The following PRTG variants were observed in gnomAD, a reference collection of about 807,000 sequenced individuals.
The protein encoded by PRTG is protogenin, also known as immunoglobulin superfamily, DCC subclass, member 5.
In PRTG, 67 loss-of-function variants were observed where a neutral mutation model predicts 122.5. The ratio of observed to expected loss-of-function variants is 0.55; its 90% CI spans 0.45 to 0.67. The LOEUF is 0.67. Among genes scored for constraint, PRTG ranks in the 30% least tolerant of loss-of-function variants. The pLI is 0.00. For synonymous variants in PRTG, 554 were observed against 501.1 expected (o/e 1.11, Z -1.41); for missense variants, 1,435 against 1,415.4 (o/e 1.01, Z -0.22).
chr15:55,661,519 T>C (rs1284605270), intron 11 of PRTG, among the ~76,000 whole-genome samples: 1 of 152,162 alleles, frequency 6.6e-6, no homozygotes, highest in Non-Finnish European at 1.5e-5. Context: ...CTTTACCCAG[T>C]GCCAAAGGTC....
At chr15:55,630,547 A>G (rs1409776233) in intron 15 of PRTG, among the ~76,000 whole-genome samples, 1 of 152,226 alleles carries the variant, frequency 6.6e-6, no homozygotes, top group Non-Finnish European at 1.5e-5. Flanking sequence ...CAATCTGTGT[A>G]AGATCTACTT....
At chr15:55,705,294 A>T (rs2030057092) in intron 2 of PRTG, among the ~76,000 whole-genome samples, 2 of 152,146 alleles carry the variant, frequency 1.3e-5, no homozygotes, top group Non-Finnish European at 2.9e-5. Flanking sequence ...CATTCATGCA[A>T]AAAGAACAGG....
intron 11 of PRTG, among the ~76,000 whole-genome samples, chr15:55,653,403 G>A (rs1238978559): frequency 1.3e-5 from 2 of 151,502 alleles, no homozygotes; most frequent in African/African-American, 4.9e-5. Flanking sequence ...AAAGTTCTTT[G>A]TACGTGTCCT....
chr15:55,704,345 G>C (rs143447628), intron 2 of PRTG, among the ~76,000 whole-genome samples: 415 of 152,268 alleles, frequency 2.7e-3, no homozygotes, highest in Middle Eastern at 0.02. Flanking sequence ...ATGTCACTTA[G>C]CAACTTCATC....
chr15:55,632,477 C>T (rs1021404747), intron 15 of PRTG, among the ~76,000 whole-genome samples: 2 of 152,154 alleles, frequency 1.3e-5, no homozygotes, highest in African/African-American at 2.4e-5. Flanking sequence ...CAAAGGTCTC[C>T]AATACCTTCC....
In PRTG at chr15:55,742,944, C is replaced by T; in HGVS notation, c.-13G>A. 7 of 1,508,878 alleles carry T rather than the reference C, an allele frequency of 4.6e-6. No individual in the cohort carries two copies. The highest frequency in any genetic ancestry group is 5.3e-6 in the Non-Finnish European group (6 of 1,128,498). The allele number at this position is 1,508,878 out of a possible 1,614,324, so 93.5% of individuals were successfully genotyped here. A position where few individuals can be genotyped will look rare whatever the true frequency, so the allele number is the denominator to read the frequency against. ...GAGGAGGCGCCATTCAGCGTAGCCGCGCGGGCATGCTCCCCGGCCGCCCAG... is the reference window on the plus strand; with the variant it reads ...GAGGAGGCGCCATTCAGCGTAGCCGTGCGGGCATGCTCCCCGGCCGCCCAG... On this transcript the variant is annotated 5_prime_UTR_variant, in exon 1 of 20. Coordinates refer to ENST00000389286, the MANE Select transcript of PRTG (RefSeq NM_173814.6).
At chr15:55,722,420 G>A (rs1043309994) in intron 2 of PRTG, among the ~76,000 whole-genome samples, 3 of 152,180 alleles carry the variant, frequency 2.0e-5, no homozygotes, top group Non-Finnish European at 4.4e-5. Context: ...AACTATGACA[G>A]TAAAAGTAAG....
chr15:55,672,512 T>C lies in PRTG; in HGVS notation c.1974A>G (p.Glu658=). 1 of 1,614,164 alleles carries C rather than the reference T, an allele frequency of 6.2e-7. No individual in the cohort carries two copies. Among genetic ancestry groups the C allele is most frequent in the East Asian group, 2.2e-5 (1 of 44,870 alleles). ...AAATGGGCCCATTCTCCTGCTGCCC[T>C]TCTTCCTTGTAGTACAGCTTGTAGC... ...IQGYKLYYKE[E]GQQENGPIFL... The change falls in exon 11 of 20, where the codon GAA becomes GAG. Residue 658 remains glutamate (E), a synonymous_variant. Transcript: ENST00000389286.
At chr15:55,663,226 G>A (rs1595629258) in intron 11 of PRTG, among the ~76,000 whole-genome samples, 1 of 152,172 alleles carries the variant, frequency 6.6e-6, no homozygotes, top group African/African-American at 2.4e-5. Context: ...GAGAAACTGA[G>A]GTTCATGGAG....
Position 55,620,143 on chromosome 15 carries a change from C to A in PRTG, c.3322G>T (p.Ala1108Ser). 1 of 1,614,174 alleles carries A rather than the reference C, an allele frequency of 6.2e-7. No homozygotes were observed. The highest frequency in any genetic ancestry group is 8.5e-7 in the Non-Finnish European group (1 of 1,180,030). ...TTTGCTGAATGTTCTGTATCAGCTGCAACACCAAAGGGTCTTGAGAAGCTG... is the reference window on the plus strand; with the variant it reads ...TTTGCTGAATGTTCTGTATCAGCTGAAACACCAAAGGGTCTTGAGAAGCTG... ...TTSFSRPFGV[A>S]ADTEHSANSE... The change falls in exon 20 of 20, where the codon GCA becomes TCA. Residue 1108 changes from alanine (A) to serine (S), a missense_variant. Coordinates refer to ENST00000389286, the MANE Select transcript of PRTG (RefSeq NM_173814.6).
In PRTG at chr15:55,619,689, A is replaced by G; in HGVS notation, c.*323T>C. The G allele has an allele frequency of 3.8e-6, 1 of 260,138 alleles. No individual in the cohort carries two copies. The highest frequency in any genetic ancestry group is 7.3e-6 in the Non-Finnish European group (1 of 136,940). 16.1% of individuals were successfully genotyped at this position (260,138 alleles called of 1,614,324 possible). A position where few individuals can be genotyped will look rare whatever the true frequency, so the allele number is the denominator to read the frequency against. On this transcript the variant is annotated 3_prime_UTR_variant, in exon 20 of 20. Transcript: ENST00000389286. Reference sequence around the variant, plus strand: ...TCAAACATCTCGACCGTTCTTTCACATTGCTGACAATGAAACATTCAAATT... The same window carrying G: ...TCAAACATCTCGACCGTTCTTTCACGTTGCTGACAATGAAACATTCAAATT...
At chr15:55,673,230 A>T in intron 10 of PRTG, 141 bp downstream of exon 10, 10 of 690,254 alleles carry the variant, frequency 1.4e-5, no homozygotes, top group Non-Finnish European at 2.3e-5. Flanking sequence ...AAAAAGTTTA[A>T]TTTTTTTCAA....
chr15:55,672,180 T>C (rs2059475686), intron 11 of PRTG, among the ~76,000 whole-genome samples: 1 of 152,124 alleles, frequency 6.6e-6, no homozygotes, highest in Admixed American at 6.5e-5. Flanking sequence ...CTACCAGAAG[T>C]GAACGCCACA....
chr15:55,723,877 G>C (rs542056474), intron 2 of PRTG, among the ~76,000 whole-genome samples: 1 of 150,072 alleles, frequency 6.7e-6, no homozygotes, highest in Non-Finnish European at 1.5e-5. Context: ...TCAGCCTCCT[G>C]AGTAGCTGGA....
chr15:55,633,276 C>T (rs2059237842), intron 15 of PRTG, among the ~76,000 whole-genome samples: 1 of 152,078 alleles, frequency 6.6e-6, no homozygotes, highest in African/African-American at 2.4e-5. Flanking sequence ...GTGGCACGAT[C>T]TCGGCTCACT....
At chr15:55,661,803 A>G (rs2141772825) in intron 11 of PRTG, among the ~76,000 whole-genome samples, 1 of 152,308 alleles carries the variant, frequency 6.6e-6, no homozygotes, top group African/African-American at 2.4e-5. Flanking sequence ...CTGCTAAAGC[A>G]GTAAAACAAC....
intron 2 of PRTG, among the ~76,000 whole-genome samples, chr15:55,722,984 G>A (rs56220110): frequency 0.076 from 11,581 of 152,158 alleles, 491 homozygotes; most frequent in Non-Finnish European, 0.1. Flanking sequence ...AACAACAGGA[G>A]GCTTTCTTTT....
In PRTG at chr15:55,639,732, G is replaced by A; in HGVS notation, c.2234C>T (p.Pro745Leu). The A allele has an allele frequency of 6.2e-7, 1 of 1,614,124 alleles. No homozygotes were observed. The highest frequency in any genetic ancestry group is 8.5e-7 in the Non-Finnish European group (1 of 1,179,988). The change falls in exon 13 of 20, where the codon CCT becomes CTT. Residue 745 changes from proline (P) to leucine (L), a missense_variant. Physicochemically the swap from Pro to Leu is moderately conservative, Grantham distance 98. Coordinates refer to ENST00000389286, the MANE Select transcript of PRTG (RefSeq NM_173814.6). The part of the protein sequence containing the change: ...SSSIFLHWRR[P>L]AFTAAQIINY... ...AATGATTTGTGCAGCGGTGAATGCA[G>A]GCCTCCTCCAGTGCAGGAAGATGGA...
At chr15:55,643,558 C>T (rs116463640) in intron 11 of PRTG, among the ~76,000 whole-genome samples, 6 of 151,998 alleles carry the variant, frequency 3.9e-5, no homozygotes, top group Non-Finnish European at 8.8e-5. Context: ...CTCAGCCTCT[C>T]GAGTAGCTGA....
Sources: gnomAD v4.1 joint callset for allele counts (sites outside exome capture counted in the v4.1 genomes callset) on GRCh38, gnomAD v4.1.1 for gene constraint, MANE v1.5 for transcripts, NCBI Gene and HGNC (gene_info 2026-07-23, HGNC 2026-07-21) for gene names.